The following MYO16 variants were observed in gnomAD, a reference collection of about 807,000 sequenced individuals.
MYO16 encodes the protein myosin XVI.
In MYO16, 94 loss-of-function variants were observed where a neutral mutation model predicts 205.3. That is an observed-to-expected ratio of 0.46 (90% CI 0.39 to 0.54). The LOEUF (loss-of-function observed/expected upper bound fraction) is 0.54, where lower values mean the gene tolerates loss of function less well. Among genes scored for constraint, MYO16 ranks in the 20% least tolerant of loss-of-function variants. The pLI, the probability that MYO16 is intolerant of heterozygous loss-of-function variation, is 0.00. For missense variants in MYO16, 2,315 were observed against 2,387.5 expected, an observed-to-expected ratio of 0.97 and a Z score of 0.63; for synonymous variants, 988 against 954.0, an observed-to-expected ratio of 1.04 and a Z score of -0.66.
At chr13:108,838,126 C>T (rs1428102689) in intron 9 of MYO16, among the ~76,000 whole-genome samples, 1 of 152,262 alleles carries the variant, frequency 6.6e-6, no homozygotes, top group East Asian at 1.9e-4. Context: ...AGATTCAAAC[C>T]TCAGCTCCAG....
chr13:109,158,548 G>A (rs1341965864), intron 32 of MYO16, among the ~76,000 whole-genome samples: 1 of 152,154 alleles, frequency 6.6e-6, no homozygotes, highest in African/African-American at 2.4e-5. Context: ...GTGAGCCGGA[G>A]GTGACGTTGC....
intron 4 of MYO16, among the ~76,000 whole-genome samples, chr13:108,734,132 G>C (rs2139597317): frequency 6.6e-6 from 1 of 151,822 alleles, no homozygotes; most frequent in Non-Finnish European, 1.5e-5. Context: ...TTCATAAACA[G>C]ATCAGCATAT....
intron 4 of MYO16, among the ~76,000 whole-genome samples, chr13:108,734,271 A>G (rs1219255690): frequency 6.6e-6 from 1 of 152,158 alleles, no homozygotes; most frequent in Non-Finnish European, 1.5e-5. Context: ...ATACTAAATA[A>G]AGACAAAAGC....
intron 23 of MYO16, among the ~76,000 whole-genome samples, chr13:109,040,383 C>CAGAGAGAGAGAGAGAG (rs1482536301): frequency 8.6e-5 from 6 of 70,070 alleles, no homozygotes; most frequent in South Asian, 1.1e-3. Flanking sequence ...CACACACACA[C>CAGAGAGAGAGAGAGAG]ACAGAGAGAG....
intron 20 of MYO16, among the ~76,000 whole-genome samples, chr13:108,979,204 CCTT>C (rs1455701774): frequency 6.6e-6 from 1 of 151,560 alleles, no homozygotes; most frequent in African/African-American, 2.4e-5. Context: ...TTTATTATAT[CCTT>C]CTTTTTCCTT....
At chr13:108,528,287 C>T in the MYO16 span, among the ~76,000 whole-genome samples, 1 of 152,152 alleles carries the variant, frequency 6.6e-6, no homozygotes, top group Middle Eastern at 3.4e-3. Context: ...CAAAAAGGGG[C>T]AGACCCCATT....
Position 109,125,188 on chromosome 13 carries a change from T to C in MYO16, c.3612T>C (p.Asn1204=). ...GACAACAAGAGGTGACTTCTATCAA[T>C]AGCTTTCTGCAGAACACAGAGGACA... ...SIRQQEVTSI[N]SFLQNTEDMG... is the part of the protein sequence containing the mutation. The change falls in exon 30 of 35, where the codon AAT becomes AAC. Residue 1204 remains asparagine (N), a synonymous_variant. Coordinates refer to ENST00000457511, the MANE Select transcript of MYO16 (RefSeq NM_001198950.3). The surrounding 1 kb of genome is among the most constrained non-coding windows in gnomAD (Gnocchi z 4.0). 1 of 1,614,144 alleles carries C rather than the reference T, an allele frequency of 6.2e-7. No homozygotes were observed. Among genetic ancestry groups the C allele is most frequent in the Non-Finnish European group, 8.5e-7 (1 of 1,180,014 alleles).
chr13:108,960,607 A>C (rs532809700), intron 17 of MYO16, among the ~76,000 whole-genome samples: 6 of 152,316 alleles, frequency 3.9e-5, no homozygotes, highest in African/African-American at 1.4e-4. Flanking sequence ...CATTGTTCTT[A>C]GAACCGCTTC....
At chr13:108,626,375 C>T (rs780847250), upstream of MYO16, among the ~76,000 whole-genome samples, 81 of 152,094 alleles carry the variant, frequency 5.3e-4, no homozygotes, top group Admixed American at 1.4e-3. Flanking sequence ...AAATGCAAAA[C>T]AATACCCTCT....
At chr13:109,067,503 G>A (rs913046068) in intron 27 of MYO16, among the ~76,000 whole-genome samples, 2 of 152,164 alleles carry the variant, frequency 1.3e-5, no homozygotes, top group African/African-American at 4.8e-5. Context: ...TATTGGCCCT[G>A]TTCCAAAGTA....
intron 2 of MYO16, among the ~76,000 whole-genome samples, chr13:108,674,783 A>G (rs1882131604): frequency 6.6e-6 from 1 of 152,212 alleles, no homozygotes; most frequent in African/African-American, 2.4e-5. Context: ...GAATGTATGT[A>G]GACTCTCCCC....
At chr13:108,548,968 AT>A in the MYO16 span, among the ~76,000 whole-genome samples, 1 of 152,128 alleles carries the variant, frequency 6.6e-6, no homozygotes, top group Non-Finnish European at 1.5e-5. Flanking sequence ...GGATAGATCT[AT>A]CTATAGATAT....
rs1300051149 is a variant in MYO16 at position 108,666,050 on chromosome 13, G to A, written c.193G>A (p.Gly65Arg). The A allele has an allele frequency of 6.2e-7, 1 of 1,614,124 alleles. No homozygotes were observed. The highest frequency in any genetic ancestry group is 1.1e-5 in the South Asian group (1 of 91,084). ...EREKAFQKQE[G>R]FLKRLKHAKN... ...CGAGAAGGCTTTTCAGAAGCAGGAA[G>A]GGTTCCTGAAAAGGCTGAAGCATGC... The change falls in exon 2 of 35, where the codon GGG (glycine) becomes AGG (arginine). Residue 65 changes from glycine (G) to arginine (R), a missense_variant. By Grantham distance (125) the Gly-to-Arg change is moderately radical (BLOSUM62 -2). Transcript: ENST00000457511.
chr13:108,984,056 G>A (rs1884544020), intron 20 of MYO16, among the ~76,000 whole-genome samples: 1 of 152,162 alleles, frequency 6.6e-6, no homozygotes, highest in Admixed American at 6.5e-5. Context: ...TTAAGGCTCA[G>A]CCAGCAGCTG....
In MYO16 at chr13:108,987,088, G is replaced by A. The variant is rs554276106; in HGVS notation, c.2370-5288G>A. 2.6e-5 allele frequency among the ~76,000 whole-genome samples: 4 copies of A among 152,150 alleles called. 1 individual carries two copies. The highest frequency in any genetic ancestry group is 5.9e-5 in the Non-Finnish European group (4 of 68,034). On this transcript the variant is annotated intron_variant, in intron 20 of 34. Transcript: ENST00000457511. ...GGATTTTCTCTAAGTCTAATTAACT[G>A]CAATGTTCCTCGCAAGGGGTCCGCA...
Position 109,093,328 on chromosome 13 carries a change from A to G in MYO16, c.3336-7457A>G, listed in dbSNP as rs1448177040. Reference sequence around the variant, plus strand: ...CATGAGGGCATGAGCATTCCGCACCATCACAGAAGCTGCATCCATTTCCCA... The same window carrying G: ...CATGAGGGCATGAGCATTCCGCACCGTCACAGAAGCTGCATCCATTTCCCA... On this transcript the variant is annotated intron_variant, in intron 27 of 34. Coordinates refer to ENST00000457511, the MANE Select transcript of MYO16 (RefSeq NM_001198950.3). 3.9e-5 allele frequency among the ~76,000 whole-genome samples: 6 copies of G among 152,320 alleles called. No homozygotes were observed. The East Asian group carries it at 1.2e-3, about 29-fold the overall frequency.
the MYO16 span, among the ~76,000 whole-genome samples, chr13:108,568,738 C>T: frequency 1.3e-5 from 2 of 151,816 alleles, no homozygotes; most frequent in Middle Eastern, 3.4e-3. Flanking sequence ...GCTACTTGTT[C>T]TTTTGATGTC....
chr13:108,697,440 A>G lies in MYO16; in HGVS notation c.293-15221A>G, dbSNP rs77740003. ...TAGAGATTACTCAGCACGGGAGGAC[A>G]TTTCTTTTCCAGGAATTCCAGTTGC... On this transcript the variant is annotated intron_variant, in intron 2 of 34. Coordinates refer to ENST00000457511, the MANE Select transcript of MYO16 (RefSeq NM_001198950.3). 1.5e-3 allele frequency among the ~76,000 whole-genome samples: 236 copies of G among 152,300 alleles called. 4 individuals carry two copies. In the East Asian group the frequency reaches 0.042, roughly 27 times the overall value.
At chr13:108,761,567 A>C (rs569026545) in intron 4 of MYO16, among the ~76,000 whole-genome samples, 7 of 152,290 alleles carry the variant, frequency 4.6e-5, no homozygotes, top group African/African-American at 1.7e-4. Flanking sequence ...GGGAAAAATG[A>C]TATGGAAGGT....
Sources: gnomAD v4.1 joint callset for allele counts (sites outside exome capture counted in the v4.1 genomes callset) on GRCh38, gnomAD v4.1.1 for gene constraint, Gnocchi (gnomAD v3.1) non-coding constraint, MANE v1.5 for transcripts, NCBI Gene and HGNC (gene_info 2026-07-23, HGNC 2026-07-21) for gene names.